Variants in KCNMB2 observed in about 807,000 individuals in gnomAD.
KCNMB2 encodes calcium-activated potassium channel subunit beta-2.
KCNMB2 carries 9 observed loss-of-function variants against 24.5 expected under a neutral mutation model. That is an observed-to-expected ratio of 0.37 (90% CI 0.22 to 0.64). KCNMB2 has a LOEUF of 0.64. KCNMB2 is among the 30% of genes least tolerant of loss of function. The pLI is 0.63. For synonymous variants in KCNMB2, 109 were observed against 104.4 expected (o/e 1.04, Z -0.27); for missense variants, 226 against 284.3 (o/e 0.79, Z 1.47).
intron 1 of KCNMB2, among the ~76,000 whole-genome samples, chr3:178,693,822 C>T (rs1399645293): frequency 1.3e-5 from 2 of 152,072 alleles, no homozygotes; most frequent in Admixed American, 6.6e-5. Context: ...AGGAATTGTA[C>T]CAGCTCTTCT....
At chr3:178,542,035 G>A (rs1715637496) in intron 1 of KCNMB2, among the ~76,000 whole-genome samples, 1 of 152,106 alleles carries the variant, frequency 6.6e-6, no homozygotes, top group South Asian at 2.1e-4. Context: ...ACCCAATAGG[G>A]GAACAACACA....
chr3:178,631,963 T>C (rs1181464246), intron 1 of KCNMB2, among the ~76,000 whole-genome samples: 1 of 152,200 alleles, frequency 6.6e-6, no homozygotes, highest in Non-Finnish European at 1.5e-5. Flanking sequence ...TCAGTTAAAA[T>C]AGAAATATGG....
chr3:178,752,978 G>A (rs1444227876), intron 1 of KCNMB2, among the ~76,000 whole-genome samples: 2 of 152,190 alleles, frequency 1.3e-5, no homozygotes, highest in Non-Finnish European at 2.9e-5. Flanking sequence ...TGGGCCCCAA[G>A]CATTAGGATA....
At chr3:178,778,474 A>G (rs1284744212) in intron 1 of KCNMB2, among the ~76,000 whole-genome samples, 12 of 65,642 alleles carry the variant, frequency 1.8e-4, no homozygotes, top group Non-Finnish European at 3.9e-4. Context: ...ACACACACAC[A>G]CACACACACA....
chr3:178,680,958 G>A (rs898273784), intron 1 of KCNMB2, among the ~76,000 whole-genome samples: 3 of 152,154 alleles, frequency 2.0e-5, no homozygotes, highest in Admixed American at 1.3e-4. Flanking sequence ...TAGGATTGGG[G>A]CCAATCAGTA....
chr3:178,844,419 A>T lies in KCNMB2; in HGVS notation c.*1482A>T, dbSNP rs73882904. ...TCAAATGTGTAATTAAATTTTTTTA[A>T]AAAAAATCTATTAAATTGCAAGATT... On this transcript the variant is annotated 3_prime_UTR_variant, in exon 5 of 5. Coordinates refer to ENST00000452583, the MANE Select transcript of KCNMB2 (RefSeq NM_181361.3). 0.19 allele frequency: 29,403 copies of T among 151,932 alleles called. 3,940 individuals carry two copies. The highest frequency in any genetic ancestry group is 0.38 in the African/African-American group (15,796 of 41,362). The allele number at this position is 151,932 out of a possible 1,614,324, so 9.4% of individuals were successfully genotyped here.
chr3:178,731,450 C>A (rs1372764379), intron 1 of KCNMB2, among the ~76,000 whole-genome samples: 1 of 152,092 alleles, frequency 6.6e-6, no homozygotes, highest in African/African-American at 2.4e-5. Flanking sequence ...GCCAAATGTC[C>A]CCCGTGGGAA....
intron 1 of KCNMB2, among the ~76,000 whole-genome samples, chr3:178,647,858 A>G (rs1560147314): frequency 6.6e-6 from 1 of 152,204 alleles, no homozygotes; most frequent in Non-Finnish European, 1.5e-5. Context: ...TTTGCTAACA[A>G]TTCATGAAAA....
At chr3:178,733,543 C>T (rs189469500) in intron 1 of KCNMB2, among the ~76,000 whole-genome samples, 105 of 152,258 alleles carry the variant, frequency 6.9e-4, no homozygotes, top group African/African-American at 2.0e-3. Context: ...GGCAATGGCA[C>T]GATCTCGGCT....
intron 1 of KCNMB2, among the ~76,000 whole-genome samples, chr3:178,713,400 TA>T (rs1208411553): frequency 2.0e-5 from 3 of 152,118 alleles, no homozygotes; most frequent in African/African-American, 7.2e-5. Context: ...GCAGACAAAA[TA>T]AGAAAAATAA....
chr3:178,564,804 T>G (rs1157392229), intron 1 of KCNMB2, among the ~76,000 whole-genome samples: 1 of 152,116 alleles, frequency 6.6e-6, no homozygotes, highest in Non-Finnish European at 1.5e-5. Flanking sequence ...AGCAACAAAA[T>G]TTTTAGCCAT....
chr3:178,740,736 T>C lies in KCNMB2; in HGVS notation c.-67-66607T>C, dbSNP rs1040979488. On this transcript the variant is annotated intron_variant, in intron 1 of 4. Coordinates refer to ENST00000452583, the MANE Select transcript of KCNMB2 (RefSeq NM_181361.3). ...ACTTTCTGCTTCGGTGGGAGAATCT[T>C]TGGTTGACTACCTTAATGAACACAC... Among the ~76,000 whole-genome samples the C allele has an allele frequency of 1.6e-4, 25 of 152,320 alleles. No homozygotes were observed. In the East Asian group the frequency reaches 4.8e-3, roughly 29 times the overall value.
intron 2 of KCNMB2, among the ~76,000 whole-genome samples, chr3:178,817,526 G>A (rs540845011): frequency 6.6e-5 from 10 of 152,082 alleles, no homozygotes; most frequent in African/African-American, 1.7e-4. Context: ...GTGTGTTCTC[G>A]TGGGGCAGAG....
At chr3:178,569,963 C>T (rs1024411711) in intron 1 of KCNMB2, among the ~76,000 whole-genome samples, 2 of 152,124 alleles carry the variant, frequency 1.3e-5, no homozygotes, top group African/African-American at 4.8e-5. Context: ...TCTTGAAACG[C>T]AACTCCTATA....
intron 1 of KCNMB2, among the ~76,000 whole-genome samples, chr3:178,749,940 T>C (rs1159398146): frequency 1.3e-5 from 2 of 152,178 alleles, no homozygotes; most frequent in African/African-American, 2.4e-5. Context: ...CCAGAGTAAC[T>C]ATGTAAGATT....
chr3:178,640,357 C>T (rs1393380334), intron 1 of KCNMB2, among the ~76,000 whole-genome samples: 1 of 152,060 alleles, frequency 6.6e-6, no homozygotes, highest in African/African-American at 2.4e-5. Flanking sequence ...CATGTGTTAC[C>T]ATGGAGGAGC....
rs573122943 is a variant in KCNMB2 at position 178,828,216 on chromosome 3, C to T, written c.266C>T (p.Ala89Val). ...GAGTCTCAATGCACCTTGCTGAATG[C>T]GTCCATCACGGAAACATTTAATTGC... Reference protein sequence around the residue: ...TEESQCTLLNASITETFNCSF... With the variant: ...TEESQCTLLNVSITETFNCSF... Residue 89 changes from alanine (A) to valine (V), a missense_variant, in exon 4 of 5, where the codon GCG (alanine) becomes GTG (valine). Transcript: ENST00000452583. The T allele has an allele frequency of 6.8e-6, 11 of 1,613,938 alleles. No individual in the cohort carries two copies. In the South Asian group the frequency reaches 7.7e-5, roughly 11 times the overall value.
At chr3:178,804,381 C>T (rs1439711851) in intron 1 of KCNMB2, among the ~76,000 whole-genome samples, 2 of 152,084 alleles carry the variant, frequency 1.3e-5, no homozygotes, top group African/African-American at 4.8e-5. Flanking sequence ...GTACTGTTGC[C>T]TTTAAAGCAG....
chr3:178,602,295 C>T (rs915466369), intron 1 of KCNMB2, among the ~76,000 whole-genome samples: 2 of 151,196 alleles, frequency 1.3e-5, no homozygotes, highest in Admixed American at 6.6e-5. Context: ...TCATTCATCC[C>T]CCTCCCCACA....
Sources: allele counts gnomAD v4.1 joint callset (sites outside exome capture counted in the v4.1 genomes callset), GRCh38; gene constraint gnomAD v4.1.1; transcripts MANE v1.5; gene names NCBI Gene and HGNC (gene_info 2026-07-23, HGNC 2026-07-21).